The following CTNND2 variants were observed in gnomAD, a reference collection of about 807,000 sequenced individuals.
The protein encoded by CTNND2 is catenin delta 2, also known as catenin delta-2.
Under a neutral mutation model 144.4 loss-of-function variants are expected in CTNND2, and 22 were observed. The ratio of observed to expected loss-of-function variants is 0.15; its 90% CI spans 0.11 to 0.22. CTNND2 has a LOEUF of 0.22. Among genes scored for constraint, CTNND2 ranks in the 10% least tolerant of loss-of-function variants. The pLI, the probability that CTNND2 is intolerant of heterozygous loss-of-function variation, is 1.00. For missense variants in CTNND2, 1,353 were observed against 1,618.8 expected, an observed-to-expected ratio of 0.84 and a Z score of 2.82; for synonymous variants, 751 against 695.6, an observed-to-expected ratio of 1.08 and a Z score of -1.25.
chr5:11,897,660 A>G (rs1737501422), intron 1 of CTNND2, among the ~76,000 whole-genome samples: 1 of 152,224 alleles, frequency 6.6e-6, no homozygotes, highest in Non-Finnish European at 1.5e-5. Flanking sequence ...AAAGTTGGCT[A>G]TACATAAATC....
chr5:11,128,779 A>AAT (rs1554049735), intron 12 of CTNND2, among the ~76,000 whole-genome samples: 4 of 65,444 alleles, frequency 6.1e-5, no homozygotes, highest in Non-Finnish European at 1.0e-4. Context: ...TTATATATAA[A>AAT]ATATATAAAT....
At chr5:11,280,725 TACAC>T (rs2149995757) in intron 9 of CTNND2, among the ~76,000 whole-genome samples, 1 of 152,302 alleles carries the variant, frequency 6.6e-6, no homozygotes, top group East Asian at 1.9e-4. Context: ...GTTTCTCTCT[TACAC>T]ACACACTTGG....
At chr5:11,266,180 A>G (rs554774127) in intron 9 of CTNND2, among the ~76,000 whole-genome samples, 1 of 152,334 alleles carries the variant, frequency 6.6e-6, no homozygotes, top group African/African-American at 2.4e-5. Context: ...AGATCCTTCA[A>G]ATTAATAACT....
chr5:11,036,360 C>T (rs1305648233), intron 16 of CTNND2, among the ~76,000 whole-genome samples: 2 of 152,164 alleles, frequency 1.3e-5, no homozygotes, highest in Non-Finnish European at 1.5e-5. Context: ...TCATATCTTG[C>T]ATCCCAGATA....
intron 10 of CTNND2, among the ~76,000 whole-genome samples, chr5:11,219,521 C>T (rs1020900794): frequency 1.3e-5 from 2 of 152,158 alleles, no homozygotes; most frequent in Non-Finnish European, 2.9e-5. Context: ...GCCTTAATCC[C>T]TGTGAATATA....
intron 16 of CTNND2, among the ~76,000 whole-genome samples, chr5:11,029,773 T>C (rs1432877006): frequency 1.3e-5 from 2 of 152,242 alleles, no homozygotes; most frequent in Non-Finnish European, 2.9e-5. Flanking sequence ...CTGAATTATG[T>C]AGAAAACAAA....
intron 2 of CTNND2, among the ~76,000 whole-genome samples, chr5:11,692,285 A>ATT (rs1784944965): frequency 1.3e-5 from 2 of 151,190 alleles, no homozygotes; most frequent in African/African-American, 4.9e-5. Context: ...AACAAAAAAA[A>ATT]ATTTTAAAAA....
intron 1 of CTNND2, among the ~76,000 whole-genome samples, chr5:11,795,567 G>T (rs1259645581): frequency 6.6e-6 from 1 of 152,154 alleles, no homozygotes; most frequent in Non-Finnish European, 1.5e-5. Context: ...TTGGTTAAAT[G>T]TAGCGTGGGA....
chr5:11,016,562 G>T (rs1741620749), intron 18 of CTNND2, among the ~76,000 whole-genome samples: 1 of 152,218 alleles, frequency 6.6e-6, no homozygotes, highest in African/African-American at 2.4e-5. Context: ...TGACCTGGGG[G>T]ATGGGGGCTA....
At chr5:11,867,981 C>T (rs912508973) in intron 1 of CTNND2, among the ~76,000 whole-genome samples, 2 of 151,690 alleles carry the variant, frequency 1.3e-5, no homozygotes, top group South Asian at 4.2e-4. Context: ...TACACTTCAC[C>T]TCAGTGCTCT....
chr5:11,296,899 G>A (rs2150025804), intron 9 of CTNND2, among the ~76,000 whole-genome samples: 1 of 152,228 alleles, frequency 6.6e-6, no homozygotes, highest in Admixed American at 6.5e-5. Flanking sequence ...CGAGTTAATG[G>A]GCGCAGCACA....
intron 9 of CTNND2, among the ~76,000 whole-genome samples, chr5:11,240,583 C>A (rs1156487080): frequency 8.4e-6 from 1 of 119,588 alleles, no homozygotes; most frequent in African/African-American, 3.2e-5. Flanking sequence ...CCAACACACA[C>A]ATACTCAGCA....
chr5:11,711,703 C>G (rs1057395590), intron 2 of CTNND2, among the ~76,000 whole-genome samples: 3 of 152,306 alleles, frequency 2.0e-5, no homozygotes, highest in Middle Eastern at 3.4e-3. Context: ...AATATATTTA[C>G]AACACTCCTA....
chr5:11,036,914 C>T (rs1481959144), intron 16 of CTNND2, among the ~76,000 whole-genome samples: 3 of 152,108 alleles, frequency 2.0e-5, no homozygotes, highest in Admixed American at 2.0e-4. Context: ...CCTGCCAAGA[C>T]ATGAAAAAAT....
At chr5:11,238,288 G>A (rs1477982673) in intron 9 of CTNND2, among the ~76,000 whole-genome samples, 1 of 151,738 alleles carries the variant, frequency 6.6e-6, no homozygotes, top group Admixed American at 6.6e-5. Flanking sequence ...GCCACCAAAG[G>A]GCACTATTTA....
At chr5:11,657,742 T>C (rs1411760444) in intron 2 of CTNND2, among the ~76,000 whole-genome samples, 2 of 152,152 alleles carry the variant, frequency 1.3e-5, no homozygotes, top group Non-Finnish European at 2.9e-5. Flanking sequence ...TTAAAAATCA[T>C]TTTGATAAAC....
intron 18 of CTNND2, among the ~76,000 whole-genome samples, chr5:11,014,732 T>A (rs953602635): frequency 6.6e-6 from 1 of 152,200 alleles, no homozygotes; most frequent in Non-Finnish European, 1.5e-5. Context: ...GTAGGTGAGC[T>A]AATGAAATGA....
chr5:11,778,783 A>C (rs1445178432), intron 1 of CTNND2, among the ~76,000 whole-genome samples: 7 of 152,214 alleles, frequency 4.6e-5, no homozygotes, highest in Non-Finnish European at 1.0e-4. Context: ...CTTAGTAATA[A>C]TGCATCAATA....
chr5:11,396,430 A>G (rs1168856980), intron 6 of CTNND2, among the ~76,000 whole-genome samples: 2 of 152,226 alleles, frequency 1.3e-5, no homozygotes, highest in African/African-American at 4.8e-5. Context: ...AGTTGGTTTT[A>G]ACTGCAGCTA....
Sources: allele counts gnomAD v4.1 joint callset (sites outside exome capture counted in the v4.1 genomes callset), GRCh38; gene constraint gnomAD v4.1.1; transcripts MANE v1.5; gene names NCBI Gene and HGNC (gene_info 2026-07-23, HGNC 2026-07-21).